SGCZ: variants seen among roughly 807,000 people sequenced by gnomAD.
SGCZ encodes the protein sarcoglycan zeta, also known as zeta-sarcoglycan.
SGCZ carries 40 observed loss-of-function variants against 41.3 expected under a neutral mutation model. The ratio of observed to expected loss-of-function variants is 0.97; its 90% CI spans 0.75 to 1.26. The LOEUF (loss-of-function observed/expected upper bound fraction) is 1.26. SGCZ is among the 50% of genes most tolerant of loss of function. SGCZ has a pLI of 0.00. For missense variants in SGCZ, 552 were observed against 369.8 expected (o/e 1.49, Z -4.04); for synonymous variants, 206 against 137.5 (o/e 1.50, Z -3.49).
At chr8:14,435,622 A>G (rs1800068438) in intron 2 of SGCZ, among the ~76,000 whole-genome samples, 2 of 152,228 alleles carry the variant, frequency 1.3e-5, no homozygotes, top group Non-Finnish European at 2.9e-5. Context: ...ACTATAATAT[A>G]TATGTACAGA....
In SGCZ at chr8:14,087,559, A is replaced by T. The variant is rs1334546983; in HGVS notation, c.*2884T>A. Among the ~76,000 whole-genome samples, 1 of 151,592 alleles carries T rather than the reference A, an allele frequency of 6.6e-6. No homozygotes were observed. Among genetic ancestry groups the T allele is most frequent in the Non-Finnish European group, 1.5e-5 (1 of 67,740 alleles). ...GATAGCTTAGTCGCATCCATGTAGTACACTATAAAGGACTCATTTTTCTCA... is the reference window on the plus strand; with the variant it reads ...GATAGCTTAGTCGCATCCATGTAGTTCACTATAAAGGACTCATTTTTCTCA... On this transcript the variant is annotated 3_prime_UTR_variant, in exon 8 of 8. Transcript: ENST00000382080.
Position 14,298,796 on chromosome 8 carries a change from C to T in SGCZ, c.336+25307G>A, listed in dbSNP as rs568894543. Among the ~76,000 whole-genome samples the T allele has an allele frequency of 5.3e-5, 8 of 152,064 alleles. 1 individual carries two copies. Among genetic ancestry groups the T allele is most frequent in the South Asian group, 2.1e-4 (1 of 4,824 alleles). ...CCAATGGAGTCAATGGAATACTGAT[C>T]AAATTCTAACTGGTGTGTGTGGGTG... On this transcript the variant is annotated intron_variant, in intron 3 of 7. Transcript: ENST00000382080.
At chr8:14,653,258 G>A (rs7003856) in intron 1 of SGCZ, among the ~76,000 whole-genome samples, 23,348 of 151,984 alleles carry the variant, frequency 0.15, 2,258 homozygotes, top group Admixed American at 0.23. Flanking sequence ...CTGGTTTGAG[G>A]CAGTAACAAG....
rs940953325 is a variant in SGCZ at position 14,722,891 on chromosome 8, T to C, written c.40-167965A>G. 1.1e-4 allele frequency among the ~76,000 whole-genome samples: 17 copies of C among 152,138 alleles called. 3 individuals carry two copies. Among genetic ancestry groups the C allele is most frequent in the Admixed American group, 9.8e-4 (15 of 15,268 alleles). ...AAAGTCGGAAATAAAATGCGTTCCA[T>C]TTCAACAACAGTAAACAAAGAAAAA... On this transcript the variant is annotated intron_variant, in intron 1 of 7. Coordinates refer to ENST00000382080, the MANE Select transcript of SGCZ (RefSeq NM_139167.4).
chr8:15,043,423 A>G (rs1043345676), intron 1 of SGCZ, among the ~76,000 whole-genome samples: 1 of 152,168 alleles, frequency 6.6e-6, no homozygotes, highest in Non-Finnish European at 1.5e-5. Context: ...TGGCCCATCA[A>G]ATAGATAATT....
At chr8:14,524,463 A>G (rs1199056579) in intron 2 of SGCZ, among the ~76,000 whole-genome samples, 2 of 152,072 alleles carry the variant, frequency 1.3e-5, no homozygotes, top group Non-Finnish European at 2.9e-5. Flanking sequence ...GTGATACTGT[A>G]GTAGGGGTCT....
chr8:15,101,464 T>C (rs948829619), intron 1 of SGCZ, among the ~76,000 whole-genome samples: 1 of 152,116 alleles, frequency 6.6e-6, no homozygotes, highest in Non-Finnish European at 1.5e-5. Context: ...AAGACACAGA[T>C]GGCAAATAAG....
At chr8:14,397,801 G>A (rs933112139) in intron 2 of SGCZ, among the ~76,000 whole-genome samples, 2 of 152,150 alleles carry the variant, frequency 1.3e-5, no homozygotes, top group East Asian at 3.9e-4. Flanking sequence ...TCCCCTTTTA[G>A]GGTACATCGA....
At chr8:14,187,722 C>A (rs1348308897) in intron 4 of SGCZ, among the ~76,000 whole-genome samples, 1 of 151,672 alleles carries the variant, frequency 6.6e-6, no homozygotes, top group South Asian at 2.1e-4. Context: ...AGAATGTGAA[C>A]GTGTGTGTAA....
intron 2 of SGCZ, among the ~76,000 whole-genome samples, chr8:14,535,314 GA>G (rs1025337702): frequency 1.6e-4 from 24 of 148,382 alleles, no homozygotes; most frequent in East Asian, 5.9e-4. Context: ...CCATGAACAG[GA>G]AAAAAAAAAG....
chr8:14,550,188 G>T (rs897403119), intron 2 of SGCZ, among the ~76,000 whole-genome samples: 4 of 151,820 alleles, frequency 2.6e-5, no homozygotes, highest in Non-Finnish European at 5.9e-5. Flanking sequence ...AATGAGATTT[G>T]TTCATTCAGT....
intron 2 of SGCZ, among the ~76,000 whole-genome samples, chr8:14,502,011 T>C (rs1802170090): frequency 2.0e-5 from 3 of 152,112 alleles, no homozygotes; most frequent in Non-Finnish European, 4.4e-5. Flanking sequence ...TACAACCTTT[T>C]TTAAAAAAGT....
At chr8:14,605,907 C>G (rs947264406) in intron 1 of SGCZ, among the ~76,000 whole-genome samples, 2 of 152,040 alleles carry the variant, frequency 1.3e-5, no homozygotes, top group African/African-American at 4.8e-5. Context: ...TCTGTTGCCT[C>G]CTAGTTCTAT....
intron 1 of SGCZ, among the ~76,000 whole-genome samples, chr8:14,758,871 AGCATTATGT>A (rs1799768346): frequency 6.6e-6 from 1 of 151,908 alleles, no homozygotes; most frequent in Non-Finnish European, 1.5e-5. Flanking sequence ...AACTGGGTGT[AGCATTATGT>A]GCCTGTCATC....
chr8:14,184,343 C>T (rs1483913193), intron 4 of SGCZ, among the ~76,000 whole-genome samples: 2 of 152,120 alleles, frequency 1.3e-5, no homozygotes, highest in South Asian at 4.1e-4. Context: ...AATTAGAAAC[C>T]AAGAAGCATT....
chr8:14,094,018 C>G (rs190754828), intron 7 of SGCZ, among the ~76,000 whole-genome samples: 1 of 152,180 alleles, frequency 6.6e-6, no homozygotes, highest in Admixed American at 6.6e-5. Flanking sequence ...GATGCCTTTT[C>G]TTCACCTTGA....
In SGCZ at chr8:14,117,532, A is replaced by G. The variant is rs893849130; in HGVS notation, c.548-9297T>C. Among the ~76,000 whole-genome samples the G allele has an allele frequency of 2.6e-5, 4 of 151,402 alleles. No individual in the cohort carries two copies. In the East Asian group the frequency reaches 7.8e-4, roughly 29 times the overall value. On this transcript the variant is annotated intron_variant, in intron 5 of 7. Coordinates refer to ENST00000382080, the MANE Select transcript of SGCZ (RefSeq NM_139167.4). ...GACACATTTACAAAATAAAATTCCA[A>G]TCTTGTAAATACCTTTCCAGAGAAT...
intron 1 of SGCZ, among the ~76,000 whole-genome samples, chr8:14,734,799 T>C (rs1244944679): frequency 6.6e-6 from 1 of 152,144 alleles, no homozygotes; most frequent in Non-Finnish European, 1.5e-5. Flanking sequence ...TATTTTTTCA[T>C]CCTTCACTGT....
At chr8:15,110,855 C>A (rs1423289723) in intron 1 of SGCZ, among the ~76,000 whole-genome samples, 1 of 152,194 alleles carries the variant, frequency 6.6e-6, no homozygotes, top group Non-Finnish European at 1.5e-5. Context: ...GTAATCCCAG[C>A]TACTTAAGAG....
Sources: gnomAD v4.1 joint callset for allele counts (sites outside exome capture counted in the v4.1 genomes callset) on GRCh38, gnomAD v4.1.1 for gene constraint, MANE v1.5 for transcripts, NCBI Gene and HGNC (gene_info 2026-07-23, HGNC 2026-07-21) for gene names.